Variants in RGL1 observed in about 807,000 individuals in gnomAD.
RGL1 encodes ral guanine nucleotide dissociation stimulator-like 1.
A neutral mutation model predicts 95.2 loss-of-function variants in RGL1; 24 were observed. The observed-to-expected ratio is 0.25, with a 90% CI of 0.18 to 0.35. RGL1 has a LOEUF of 0.35. Among genes scored for constraint, RGL1 ranks in the 10% least tolerant of loss-of-function variants. The pLI, the probability that RGL1 is intolerant of heterozygous loss-of-function variation, is 1.00. For missense variants in RGL1, 715 were observed against 936.3 expected (o/e 0.76, Z 3.08); for synonymous variants, 329 against 344.9 (o/e 0.95, Z 0.51).
chr1:183,668,709 G>T (rs1652216549), intron 1 of RGL1, among the ~76,000 whole-genome samples: 1 of 151,874 alleles, frequency 6.6e-6, no homozygotes, highest in African/African-American at 2.4e-5. Flanking sequence ...CTTGCTTGGT[G>T]TTCTCTGAGC....
intron 1 of RGL1, among the ~76,000 whole-genome samples, chr1:183,712,700 T>TGCA (rs1655359385): frequency 6.6e-6 from 1 of 152,230 alleles, no homozygotes; most frequent in Non-Finnish European, 1.5e-5. Context: ...TCTTCATTGT[T>TGCA]GCAGAGTTTG....
intron 1 of RGL1, among the ~76,000 whole-genome samples, chr1:183,664,233 A>AT (rs2102034116): frequency 6.6e-6 from 1 of 151,874 alleles, no homozygotes; most frequent in Non-Finnish European, 1.5e-5. Context: ...ATAAAATAAA[A>AT]ATAAATGGGA....
At chr1:183,796,200 C>T (rs1407737862) in intron 2 of RGL1, among the ~76,000 whole-genome samples, 2 of 142,524 alleles carry the variant, frequency 1.4e-5, no homozygotes, top group African/African-American at 5.3e-5. Flanking sequence ...GAGTCTCGCT[C>T]TGCCACCAGG....
At chr1:183,752,515 G>A (rs1250466649) in intron 2 of RGL1, among the ~76,000 whole-genome samples, 2 of 152,084 alleles carry the variant, frequency 1.3e-5, no homozygotes, top group Non-Finnish European at 2.9e-5. Flanking sequence ...GTGAGCCACT[G>A]TGCCCAGCCC....
intron 2 of RGL1, 90 bp downstream of exon 2, chr1:183,806,575 T>G: frequency 3.4e-6 from 3 of 881,630 alleles, no homozygotes; most frequent in Non-Finnish European, 3.5e-6. Flanking sequence ...GCAGGCTTTT[T>G]TTTTTTTCCT....
At chr1:183,889,824 A>G (rs1334693467) in intron 8 of RGL1, among the ~76,000 whole-genome samples, 1 of 152,212 alleles carries the variant, frequency 6.6e-6, no homozygotes, top group African/African-American at 2.4e-5. Context: ...TTATGACATC[A>G]ATATTTATCA....
intron 4 of RGL1, among the ~76,000 whole-genome samples, chr1:183,880,178 T>C (rs147261494): frequency 3.3e-4 from 50 of 152,338 alleles, no homozygotes; most frequent in South Asian, 8.3e-4. Flanking sequence ...CTTCCTTTCA[T>C]CAGATGGATT....
chr1:183,861,784 T>G (rs897447593), intron 3 of RGL1, among the ~76,000 whole-genome samples: 3 of 152,186 alleles, frequency 2.0e-5, no homozygotes, highest in Non-Finnish European at 4.4e-5. Flanking sequence ...GTTGACAGGT[T>G]TGTTGGTAGC....
At chr1:183,701,313 G>T (rs1387876628) in intron 1 of RGL1, among the ~76,000 whole-genome samples, 1 of 152,196 alleles carries the variant, frequency 6.6e-6, no homozygotes, top group Non-Finnish European at 1.5e-5. Context: ...TAATTTCAGA[G>T]CTGGTCTGGA....
intron 1 of RGL1, among the ~76,000 whole-genome samples, chr1:183,668,427 T>A (rs571944541): frequency 6.6e-6 from 1 of 152,130 alleles, no homozygotes; most frequent in East Asian, 1.9e-4. Context: ...TTATCTTTAC[T>A]TCTGTGTTCA....
chr1:183,914,945 A>T (rs558521596), intron 15 of RGL1, among the ~76,000 whole-genome samples: 1 of 152,362 alleles, frequency 6.6e-6, no homozygotes, highest in South Asian at 2.1e-4. Flanking sequence ...ATCTATCATC[A>T]GTTAGTCCTC....
chr1:183,716,597 G>A (rs1655636758), intron 1 of RGL1, among the ~76,000 whole-genome samples: 1 of 152,214 alleles, frequency 6.6e-6, no homozygotes, highest in Non-Finnish European at 1.5e-5. Flanking sequence ...ATGGAACTCA[G>A]TCACATGGCT....
chr1:183,785,004 C>T (rs1660084671), intron 2 of RGL1, among the ~76,000 whole-genome samples: 1 of 152,192 alleles, frequency 6.6e-6, no homozygotes, highest in Non-Finnish European at 1.5e-5. Flanking sequence ...TCATTCTTTT[C>T]ATGTGGCTTC....
intron 1 of RGL1, among the ~76,000 whole-genome samples, chr1:183,672,015 C>T (rs762034650): frequency 3.9e-5 from 6 of 151,906 alleles, no homozygotes; most frequent in African/African-American, 1.2e-4. Context: ...TCACTGCAAC[C>T]TCTGCCTCCC....
At chr1:183,801,685 G>C (rs1287670216), upstream of RGL1, among the ~76,000 whole-genome samples, 1 of 152,172 alleles carries the variant, frequency 6.6e-6, no homozygotes, top group Non-Finnish European at 1.5e-5. Flanking sequence ...TTTGGCTCAT[G>C]GTTCTGCAAG....
At chr1:183,739,298 G>T (rs1433287974) in intron 1 of RGL1, among the ~76,000 whole-genome samples, 1 of 152,260 alleles carries the variant, frequency 6.6e-6, no homozygotes, top group African/African-American at 2.4e-5. Flanking sequence ...CTGAGGCACA[G>T]ACACTGGCTC....
At chr1:183,660,367 A>G (rs1651523025) in intron 1 of RGL1, among the ~76,000 whole-genome samples, 1 of 151,800 alleles carries the variant, frequency 6.6e-6, no homozygotes, top group Non-Finnish European at 1.5e-5. Context: ...AGAAAGATCT[A>G]CCAAGCAAAT....
At chr1:183,902,501 A>T in intron 11 of RGL1, 67 bp from the exon 12 acceptor site, 1 of 1,372,400 alleles carries the variant, frequency 7.3e-7, no homozygotes, top group Non-Finnish European at 1.0e-6. Context: ...AATGTGACCT[A>T]CGACAACATA....
chr1:183,691,397 A>C (rs1167216444), intron 1 of RGL1, among the ~76,000 whole-genome samples: 2 of 152,206 alleles, frequency 1.3e-5, no homozygotes, highest in Non-Finnish European at 2.9e-5. Flanking sequence ...TGATAGCTCT[A>C]TCATGTTGCA....
Sources: gnomAD v4.1 joint callset for allele counts (sites outside exome capture counted in the v4.1 genomes callset) on GRCh38, gnomAD v4.1.1 for gene constraint, MANE v1.5 for transcripts, NCBI Gene and HGNC (gene_info 2026-07-23, HGNC 2026-07-21) for gene names.